Variants in TRUB1 observed in about 807,000 individuals in gnomAD.
TRUB1 encodes the protein pseudouridylate synthase TRUB1.
A neutral mutation model predicts 33.9 loss-of-function variants in TRUB1; 23 were observed. That is an observed-to-expected ratio of 0.68 (90% CI 0.49 to 0.96). The LOEUF (loss-of-function observed/expected upper bound fraction) is 0.96, where lower values mean the gene tolerates loss of function less well. Ranked by LOEUF, TRUB1 falls within the 40% of genes least tolerant of loss-of-function variation. The pLI, the probability that TRUB1 is intolerant of heterozygous loss-of-function variation, is 0.00. For missense variants in TRUB1, 378 were observed against 422.2 expected, an observed-to-expected ratio of 0.90 and a Z score of 0.92; for synonymous variants, 163 against 165.4, an observed-to-expected ratio of 0.99 and a Z score of 0.11.
At chr10:114,955,827 T>C (rs987480972) in intron 3 of TRUB1, among the ~76,000 whole-genome samples, 4 of 152,220 alleles carry the variant, frequency 2.6e-5, no homozygotes, top group Non-Finnish European at 5.9e-5. Context: ...TCATAAATAC[T>C]GTATTGAAAA....
chr10:114,951,254 G>A (rs1346082778), intron 3 of TRUB1, 105 bp downstream of exon 3: 5 of 783,666 alleles, frequency 6.4e-6, no homozygotes, highest in South Asian at 1.7e-5. Flanking sequence ...GCATGAATGG[G>A]TATCATTCCT....
intron 3 of TRUB1, among the ~76,000 whole-genome samples, chr10:114,957,649 A>C (rs902494669): frequency 6.6e-6 from 1 of 152,164 alleles, no homozygotes; most frequent in Non-Finnish European, 1.5e-5. Flanking sequence ...GAAGAGTGGG[A>C]GTTCAAGGCC....
rs144363748 is a variant in TRUB1 at position 114,955,283 on chromosome 10, G to A, written c.441+4134G>A. On this transcript the variant is annotated intron_variant, in intron 3 of 7. Transcript: ENST00000298746. ...TCTTTGAGCCAGTCATTCAGCAAAAGCTGGATAGCAGATGTCGTACTTTGA... is the reference window on the plus strand; with the variant it reads ...TCTTTGAGCCAGTCATTCAGCAAAAACTGGATAGCAGATGTCGTACTTTGA... Among the ~76,000 whole-genome samples, 565 of 152,308 alleles carry A rather than the reference G, an allele frequency of 3.7e-3. 1 individual carries two copies. Among genetic ancestry groups the A allele is most frequent in the African/African-American group, 0.012 (514 of 41,560 alleles).
intron 2 of TRUB1, among the ~76,000 whole-genome samples, chr10:114,945,340 C>T (rs1186168154): frequency 6.6e-6 from 1 of 152,198 alleles, no homozygotes; most frequent in Non-Finnish European, 1.5e-5. Flanking sequence ...GTAGCCTATA[C>T]CAGTTGATTA....
At chr10:114,944,564 C>T (rs1182667521) in intron 2 of TRUB1, among the ~76,000 whole-genome samples, 1 of 151,992 alleles carries the variant, frequency 6.6e-6, no homozygotes, top group Non-Finnish European at 1.5e-5. Flanking sequence ...GAGGCTGAGG[C>T]AGGAGAATCA....
At chr10:114,968,111 T>C (rs1487619495) in intron 4 of TRUB1, among the ~76,000 whole-genome samples, 1 of 152,082 alleles carries the variant, frequency 6.6e-6, no homozygotes, top group African/African-American at 2.4e-5. Flanking sequence ...AAATCAAATA[T>C]GTAGAAAGAA....
chr10:114,942,846 C>A, intron 2 of TRUB1, 103 bp downstream of exon 2: 1 of 771,766 alleles, frequency 1.3e-6, no homozygotes, highest in Non-Finnish European at 2.2e-6. Flanking sequence ...ATTTTTCAGT[C>A]ATTTTGGAAT....
At chr10:114,940,354 C>T (rs867763034) in intron 1 of TRUB1, among the ~76,000 whole-genome samples, 15 of 152,312 alleles carry the variant, frequency 9.8e-5, no homozygotes, top group South Asian at 8.3e-4. Flanking sequence ...CTCCCGACCT[C>T]AGGTGATCTG....
chr10:114,973,412 G>A (rs1441090511), intron 6 of TRUB1, among the ~76,000 whole-genome samples: 1 of 152,164 alleles, frequency 6.6e-6, no homozygotes, highest in African/African-American at 2.4e-5. Flanking sequence ...AAGAGTGCTA[G>A]CGCGCCTGCA....
At chr10:114,938,596 A>C in intron 1 of TRUB1, 57 bp downstream of exon 1, 1 of 1,470,214 alleles carries the variant, frequency 6.8e-7, no homozygotes. Context: ...GGGGAAGCAC[A>C]TTAGGCTTTT....
chr10:114,963,181 G>C (rs2084291532), intron 4 of TRUB1, among the ~76,000 whole-genome samples: 1 of 152,180 alleles, frequency 6.6e-6, no homozygotes, highest in South Asian at 2.1e-4. Flanking sequence ...GGAATCTCAT[G>C]CTAATCTTTT....
Position 114,949,093 on chromosome 10 carries a change from A to G in TRUB1, c.386-2001A>G, listed in dbSNP as rs562664915. Among the ~76,000 whole-genome samples, 3 of 152,308 alleles carry G rather than the reference A, an allele frequency of 2.0e-5. No homozygotes were observed. The East Asian group carries it at 5.8e-4, about 29-fold the overall frequency. On this transcript the variant is annotated intron_variant, in intron 2 of 7. Coordinates refer to ENST00000298746, the MANE Select transcript of TRUB1 (RefSeq NM_139169.5). ...CTTAATCATATACTATCATATTGTT[A>G]TTTAGCATTATTCACTCATTAGGCA...
intron 2 of TRUB1, among the ~76,000 whole-genome samples, chr10:114,948,151 G>A (rs1339046307): frequency 1.3e-5 from 2 of 152,308 alleles, no homozygotes; most frequent in African/African-American, 4.8e-5. Context: ...TAGAGTAGGA[G>A]AGTAGTAATT....
chr10:114,963,990 T>TGC (rs1554853018), intron 4 of TRUB1, among the ~76,000 whole-genome samples: 19 of 148,666 alleles, frequency 1.3e-4, no homozygotes, highest in African/African-American at 3.5e-4. Flanking sequence ...TGTGTGTGTG[T>TGC]GCGTGTGCAC....
At chr10:114,968,915 A>G (rs1035979550) in intron 4 of TRUB1, among the ~76,000 whole-genome samples, 11 of 152,196 alleles carry the variant, frequency 7.2e-5, no homozygotes, top group African/African-American at 2.7e-4. Context: ...ACCAGAATAA[A>G]AAGTTTAGAT....
At chr10:114,960,975 A>G (rs1363297523) in intron 4 of TRUB1, among the ~76,000 whole-genome samples, 1 of 152,116 alleles carries the variant, frequency 6.6e-6, no homozygotes, top group African/African-American at 2.4e-5. Flanking sequence ...TCCTGGGGTA[A>G]TATAATTAAG....
rs77617950 is a variant in TRUB1, at chr10:114,946,235, C to T, written c.385+3492C>T. On this transcript the variant is annotated intron_variant, in intron 2 of 7. Coordinates refer to ENST00000298746, the MANE Select transcript of TRUB1 (RefSeq NM_139169.5). ...TTCATCTCTTAAAAGAAGATAACGT[C>T]TACCAAAACTAAGTCAAAAGGTTTT... Among the ~76,000 whole-genome samples the T allele has an allele frequency of 1.8e-3, 275 of 152,270 alleles. 3 individuals are homozygous for T. The highest frequency in any genetic ancestry group is 6.1e-3 in the African/African-American group (254 of 41,550).
intron 3 of TRUB1, among the ~76,000 whole-genome samples, chr10:114,954,386 A>G (rs2084252107): frequency 6.6e-6 from 1 of 152,224 alleles, no homozygotes; most frequent in African/African-American, 2.4e-5. Flanking sequence ...ATCTTCTTCA[A>G]CATGGTGCCA....
chr10:114,957,416 A>G (rs759902891), intron 3 of TRUB1, among the ~76,000 whole-genome samples: 1 of 152,200 alleles, frequency 6.6e-6, no homozygotes, highest in African/African-American at 2.4e-5. Context: ...AATCTATCTT[A>G]TGTATCTGTG....
Sources: gnomAD v4.1 joint callset for allele counts (sites outside exome capture counted in the v4.1 genomes callset) on GRCh38, gnomAD v4.1.1 for gene constraint, MANE v1.5 for transcripts, NCBI Gene and HGNC (gene_info 2026-07-23, HGNC 2026-07-21) for gene names.